The following KCNT2 variants were observed in gnomAD, a reference collection of about 807,000 sequenced individuals.
KCNT2 encodes the protein potassium sodium-activated channel subfamily T member 2, also known as potassium channel subfamily T member 2.
Under a neutral mutation model 153.8 loss-of-function variants are expected in KCNT2, and 67 were observed. The observed-to-expected ratio is 0.44, with a 90% CI of 0.36 to 0.53. The LOEUF (loss-of-function observed/expected upper bound fraction) is 0.53, where lower values mean the gene tolerates loss of function less well. KCNT2 is among the 20% of genes least tolerant of loss of function. KCNT2 has a pLI of 0.00. For missense variants in KCNT2, 975 were observed against 1,354.8 expected, an observed-to-expected ratio of 0.72 and a Z score of 4.40; for synonymous variants, 500 against 458.8, an observed-to-expected ratio of 1.09 and a Z score of -1.15.
intron 26 of KCNT2, among the ~76,000 whole-genome samples, chr1:196,249,141 G>C (rs1655724115): frequency 6.6e-6 from 1 of 151,890 alleles, no homozygotes; most frequent in Non-Finnish European, 1.5e-5. Flanking sequence ...TTGGGTATAG[G>C]AGGAACAAAC....
chr1:196,450,360 C>T (rs1355175850), intron 8 of KCNT2, among the ~76,000 whole-genome samples: 2 of 151,870 alleles, frequency 1.3e-5, no homozygotes, highest in East Asian at 2.0e-4. Flanking sequence ...ACCAAATTTA[C>T]ACATTAATCC....
At chr1:196,341,356 G>T (rs1665606315) in intron 15 of KCNT2, among the ~76,000 whole-genome samples, 1 of 151,848 alleles carries the variant, frequency 6.6e-6, no homozygotes, top group South Asian at 2.1e-4. Flanking sequence ...TAAAATGATT[G>T]TATGGATACT....
chr1:196,240,102 A>C (rs981849006), intron 26 of KCNT2, among the ~76,000 whole-genome samples: 4 of 152,074 alleles, frequency 2.6e-5, no homozygotes, highest in Non-Finnish European at 5.9e-5. Flanking sequence ...TGGCAGCCCT[A>C]GTACACGAAT....
rs777133651 is a variant in KCNT2, at chr1:196,474,209, T to TAA, written c.384+4969_384+4970insTT. Among the ~76,000 whole-genome samples, 16 of 152,294 alleles carry TAA rather than the reference T, an allele frequency of 1.1e-4. No homozygotes were observed. The South Asian group carries it at 3.1e-3, about 30-fold the overall frequency. On this transcript the variant is annotated intron_variant, in intron 5 of 27. Transcript: ENST00000294725. ...AAGAAACATGGAACCTTGGAACTAC[T>TAA]ATCTGTGCAACCCTAAAGAGCACTT... is the stretch of plus-strand genomic sequence containing the variant.
At chr1:196,548,795 C>A (rs896048884) in intron 1 of KCNT2, among the ~76,000 whole-genome samples, 17 of 152,056 alleles carry the variant, frequency 1.1e-4, no homozygotes, top group Non-Finnish European at 2.2e-4. Context: ...GAAAATGTGG[C>A]ACATATACAC....
chr1:196,266,365 G>A (rs1478287784), intron 25 of KCNT2, among the ~76,000 whole-genome samples: 2 of 152,074 alleles, frequency 1.3e-5, no homozygotes, highest in Admixed American at 1.3e-4. Flanking sequence ...CTCTTATGGA[G>A]GTGATTATCA....
At chr1:196,327,668 C>CTTTTTTTTTTTTTTTTTTT (rs773639795) in intron 18 of KCNT2, among the ~76,000 whole-genome samples, 1 of 127,898 alleles carries the variant, frequency 7.8e-6, no homozygotes, top group African/African-American at 3.3e-5. Context: ...ATATTCTGAT[C>CTTTTTTTTTTTTTTTTTTT]TTTTTTTTTT....
intron 12 of KCNT2, among the ~76,000 whole-genome samples, chr1:196,416,638 C>T (rs201411596): frequency 2.6e-5 from 4 of 152,134 alleles, no homozygotes; most frequent in Non-Finnish European, 5.9e-5. Flanking sequence ...TGAAGCTTCA[C>T]TTGGCATGCC....
chr1:196,487,434 G>GTGTGTGTGTGTGTGTA (rs57607321), intron 3 of KCNT2, among the ~76,000 whole-genome samples: 5 of 148,688 alleles, frequency 3.4e-5, no homozygotes. Flanking sequence ...GTGTGTGTGT[G>GTGTGTGTGTGTGTGTA]TATGTATGTG....
intron 8 of KCNT2, among the ~76,000 whole-genome samples, chr1:196,451,222 T>TC (rs1676143127): frequency 1.7e-5 from 2 of 117,788 alleles, no homozygotes; most frequent in Non-Finnish European, 3.2e-5. Flanking sequence ...TCTTTCTTTT[T>TC]TTTTTTTTTT....
Position 196,253,474 on chromosome 1 carries a change from T to C in KCNT2, c.3211+4720A>G, listed in dbSNP as rs150346182. On this transcript the variant is annotated intron_variant, in intron 26 of 27. Transcript: ENST00000294725. ...TGCCACCTTGAACATATAGAATATATTATAACTATTTTAAGATCTGTGTTT... is the reference window on the plus strand; with the variant it reads ...TGCCACCTTGAACATATAGAATATACTATAACTATTTTAAGATCTGTGTTT... 4.9e-4 allele frequency among the ~76,000 whole-genome samples: 75 copies of C among 151,686 alleles called. No homozygotes were observed. In the East Asian group the frequency reaches 7.1e-3, roughly 14 times the overall value.
intron 21 of KCNT2, 137 bp downstream of exon 21, chr1:196,315,755 T>A (rs921652397): frequency 8.0e-6 from 6 of 746,144 alleles, no homozygotes; most frequent in African/African-American, 1.8e-5. Context: ...TCAATAAACA[T>A]TTACTTTATG....
chr1:196,426,576 G>A (rs1673672369), intron 10 of KCNT2, among the ~76,000 whole-genome samples: 1 of 151,746 alleles, frequency 6.6e-6, no homozygotes. Context: ...ACATCTGAGT[G>A]GTGAAACAGT....
rs1673812511 is a variant in KCNT2, at chr1:196,428,102, T to C, written c.984+3A>G. ...TATAGCACATAATATAAGCCAAATG[T>C]ACCTGGAGCCTAGGATGAGCATAGA... On this transcript the variant is annotated splice_donor_region_variant and intron_variant, in intron 10 of 27. Coordinates refer to ENST00000294725, the MANE Select transcript of KCNT2 (RefSeq NM_198503.5). The C allele has an allele frequency of 6.2e-7, 1 of 1,610,300 alleles. No homozygotes were observed. The highest frequency in any genetic ancestry group is 1.7e-5 in the Admixed American group (1 of 59,894).
At chr1:196,338,790 G>T (rs1307731058) in intron 16 of KCNT2, among the ~76,000 whole-genome samples, 1 of 151,686 alleles carries the variant, frequency 6.6e-6, no homozygotes, top group Non-Finnish European at 1.5e-5. Flanking sequence ...CGATGATGTT[G>T]GTGGTGGACA....
chr1:196,566,061 GATAA>G (rs1184287213), intron 1 of KCNT2, among the ~76,000 whole-genome samples: 1 of 151,698 alleles, frequency 6.6e-6, no homozygotes, highest in Non-Finnish European at 1.5e-5. Flanking sequence ...TATTGTAAAC[GATAA>G]ATATATACAA....
chr1:196,267,837 G>T (rs1246609527), intron 25 of KCNT2, among the ~76,000 whole-genome samples: 1 of 152,078 alleles, frequency 6.6e-6, no homozygotes, highest in Non-Finnish European at 1.5e-5. Context: ...CCAAACTTGG[G>T]CATAAGTCAC....
intron 3 of KCNT2, among the ~76,000 whole-genome samples, chr1:196,488,742 T>C (rs1211703549): frequency 1.3e-5 from 2 of 152,042 alleles, no homozygotes; most frequent in African/African-American, 2.4e-5. Context: ...ATAAAATTGC[T>C]GAGCATCATT....
chr1:196,228,469 G>C, intron 27 of KCNT2, 134 bp from the exon 28 acceptor site: 1 of 535,160 alleles, frequency 1.9e-6, no homozygotes, highest in Non-Finnish European at 3.2e-6. Context: ...CAACATTGGT[G>C]GTAGAACTCA....
Sources: gnomAD v4.1 joint callset for allele counts (sites outside exome capture counted in the v4.1 genomes callset) on GRCh38, gnomAD v4.1.1 for gene constraint, MANE v1.5 for transcripts, NCBI Gene and HGNC (gene_info 2026-07-23, HGNC 2026-07-21) for gene names.